The following GFRA1 variants were observed in gnomAD, a reference collection of about 807,000 sequenced individuals.
The protein encoded by GFRA1 is GDNF family receptor alpha 1.
Under a neutral mutation model 51.6 loss-of-function variants are expected in GFRA1, and 16 were observed. That is an observed-to-expected ratio of 0.31 (90% CI 0.21 to 0.47). GFRA1 has a LOEUF of 0.47. Among genes scored for constraint, GFRA1 ranks in the 20% least tolerant of loss-of-function variants. GFRA1 has a pLI of 1.00. For missense variants in GFRA1, 530 were observed against 594.3 expected (o/e 0.89, Z 1.13); for synonymous variants, 270 against 241.3 (o/e 1.12, Z -1.10).
chr10:116,249,638 T>G lies in GFRA1; in HGVS notation c.418+19865A>C, dbSNP rs576725414. ...CTGTACACCTCTGCCCTGCTTCAAC[T>G]AAGTGCTGGGCACCAAATAGCTATT... On this transcript the variant is annotated intron_variant, in intron 4 of 10. Transcript: ENST00000355422. 8.5e-4 allele frequency among the ~76,000 whole-genome samples: 129 copies of G among 152,316 alleles called. 1 individual carries two copies. Among genetic ancestry groups the G allele is most frequent in the African/African-American group, 2.9e-3 (121 of 41,582 alleles).
In GFRA1 at chr10:116,269,521, C is replaced by T. The variant is rs761960866; in HGVS notation, c.400G>A (p.Val134Met). The T allele has an allele frequency of 1.4e-5, 22 of 1,599,904 alleles. No homozygotes were observed. The highest frequency in any genetic ancestry group is 1.7e-4 in the Middle Eastern group (1 of 6,060). ...VNSRLSDIFRVVPFISDVFQQ... is the reference protein window; with the variant it reads ...VNSRLSDIFRMVPFISDVFQQ... ...TGCTTACCTGATATGAATGGGACCACCCGGAATATATCTGACAATCTGCTG... is the reference window on the plus strand; with the variant it reads ...TGCTTACCTGATATGAATGGGACCATCCGGAATATATCTGACAATCTGCTG... The change falls in exon 4 of 11, where the codon GTG becomes ATG. Residue 134 changes from valine (V) to methionine (M), a missense_variant. By Grantham distance (21) the Val-to-Met change is conservative (BLOSUM62 1). Transcript: ENST00000355422.
chr10:116,064,320 C>A lies in GFRA1; in HGVS notation c.*78G>T. 1 of 1,291,436 alleles carries A rather than the reference C, an allele frequency of 7.7e-7. No homozygotes were observed. Among genetic ancestry groups the A allele is most frequent in the Non-Finnish European group, 1.1e-6 (1 of 902,068 alleles). 80.0% of individuals were successfully genotyped at this position (1,291,436 alleles called of 1,614,324 possible). A position where few individuals can be genotyped will look rare whatever the true frequency, so the allele number is the denominator to read the frequency against. ...CAACTGAGCTCCTAAACTGGAATTTCAGCTATACAAGAGAACAGGAAACAG... is the reference window on the plus strand; with the variant it reads ...CAACTGAGCTCCTAAACTGGAATTTAAGCTATACAAGAGAACAGGAAACAG... On this transcript the variant is annotated 3_prime_UTR_variant, in exon 11 of 11. Transcript: ENST00000355422.
At chr10:116,176,404 C>A (rs905179866) in intron 5 of GFRA1, among the ~76,000 whole-genome samples, 1 of 152,068 alleles carries the variant, frequency 6.6e-6, no homozygotes, top group Non-Finnish European at 1.5e-5. Flanking sequence ...GTGTTTGGGT[C>A]AAGGGGACAG....
intron 3 of GFRA1, among the ~76,000 whole-genome samples, 200 bp from the exon 4 acceptor site, chr10:116,269,786 A>T (rs1843750812): frequency 6.6e-6 from 1 of 152,138 alleles, no homozygotes; most frequent in South Asian, 2.1e-4. Flanking sequence ...TTCTCCCCAG[A>T]GTGCCATGAA....
intron 9 of GFRA1, among the ~76,000 whole-genome samples, chr10:116,073,883 A>G (rs1197909633): frequency 1.3e-5 from 2 of 152,196 alleles, no homozygotes; most frequent in East Asian, 3.9e-4. Flanking sequence ...TGGAGACATA[A>G]CGGACCAGGG....
intron 4 of GFRA1, among the ~76,000 whole-genome samples, chr10:116,215,332 A>G (rs1965485728): frequency 6.6e-6 from 1 of 152,222 alleles, no homozygotes; most frequent in African/African-American, 2.4e-5. Flanking sequence ...GATATTAGCC[A>G]TTGAAATATT....
At chr10:116,154,563 A>G (rs1055369961) in intron 5 of GFRA1, among the ~76,000 whole-genome samples, 10 of 152,178 alleles carry the variant, frequency 6.6e-5, no homozygotes, top group African/African-American at 1.9e-4. Flanking sequence ...GGGGAAAGTG[A>G]CTAGAAGGAG....
chr10:116,227,267 G>A (rs1022054148), intron 4 of GFRA1, among the ~76,000 whole-genome samples: 6 of 152,164 alleles, frequency 3.9e-5, no homozygotes, highest in Non-Finnish European at 5.9e-5. Context: ...AAGTAGCTGG[G>A]CCAAGAACCC....
intron 4 of GFRA1, among the ~76,000 whole-genome samples, chr10:116,268,039 T>C (rs1019523989): frequency 1.3e-5 from 2 of 152,144 alleles, no homozygotes; most frequent in Non-Finnish European, 2.9e-5. Context: ...CATGTACATA[T>C]GAAGAACCCA....
At chr10:116,128,778 A>G (rs1323979777) in intron 5 of GFRA1, among the ~76,000 whole-genome samples, 1 of 150,940 alleles carries the variant, frequency 6.6e-6, no homozygotes, top group African/African-American at 2.4e-5. Flanking sequence ...CTTCTTTGTT[A>G]TAATAATACC....
intron 5 of GFRA1, among the ~76,000 whole-genome samples, chr10:116,209,935 T>C (rs1965061410): frequency 6.6e-6 from 1 of 152,224 alleles, no homozygotes; most frequent in Non-Finnish European, 1.5e-5. Context: ...TTCCTTCCAT[T>C]TGAAATCCGA....
At position 116,081,233 on chromosome 10, in the gene GFRA1, C is replaced by T. The variant is rs370986270; in HGVS notation, c.1197+8508G>A. On this transcript the variant is annotated intron_variant, in intron 9 of 10. Coordinates refer to ENST00000355422, the MANE Select transcript of GFRA1 (RefSeq NM_005264.8). ...TGTGACTGGCATCTGAAGCAAGGGC[C>T]GTCTTGTTGGGGACCACGGCCATAA... Among the ~76,000 whole-genome samples the T allele has an allele frequency of 3.3e-5, 5 of 152,268 alleles. No individual in the cohort carries two copies. The East Asian group carries it at 5.8e-4, about 18-fold the overall frequency.
At chr10:116,247,207 TG>T (rs951056518) in intron 4 of GFRA1, among the ~76,000 whole-genome samples, 40 of 152,142 alleles carry the variant, frequency 2.6e-4, no homozygotes, top group African/African-American at 9.6e-4. Flanking sequence ...AAGCCATCCC[TG>T]GTTTCTCTCC....
chr10:116,252,177 G>A (rs1241919816), intron 4 of GFRA1, among the ~76,000 whole-genome samples: 1 of 151,902 alleles, frequency 6.6e-6, no homozygotes, highest in Non-Finnish European at 1.5e-5. Context: ...ATTCAACGCA[G>A]GGTACTCACT....
intron 9 of GFRA1, among the ~76,000 whole-genome samples, chr10:116,074,776 A>G (rs1297642560): frequency 6.6e-6 from 1 of 152,246 alleles, no homozygotes; most frequent in Non-Finnish European, 1.5e-5. Flanking sequence ...TTACCCAATA[A>G]GAGAACCAGG....
chr10:116,247,658 A>T (rs1402750724), intron 4 of GFRA1, among the ~76,000 whole-genome samples: 1 of 152,112 alleles, frequency 6.6e-6, no homozygotes, highest in African/African-American at 2.4e-5. Flanking sequence ...TCTTTCTGAG[A>T]CTTCACAAGC....
intron 4 of GFRA1, among the ~76,000 whole-genome samples, chr10:116,250,409 G>GT (rs1205752200): frequency 6.6e-6 from 1 of 152,134 alleles, no homozygotes; most frequent in Admixed American, 6.5e-5. Context: ...CATCCATCAA[G>GT]TAAGGACTTG....
chr10:116,078,127 AC>A, intron 9 of GFRA1, among the ~76,000 whole-genome samples: 1 of 152,168 alleles, frequency 6.6e-6, no homozygotes, highest in South Asian at 2.1e-4. Flanking sequence ...AGTTAGTTAT[AC>A]CCTGCATGTG....
At chr10:116,140,806 T>C (rs974616620) in intron 5 of GFRA1, among the ~76,000 whole-genome samples, 1 of 152,224 alleles carries the variant, frequency 6.6e-6, no homozygotes, top group Non-Finnish European at 1.5e-5. Flanking sequence ...AAATTATAAA[T>C]GTGATTACAA....
Sources: allele counts gnomAD v4.1 joint callset (sites outside exome capture counted in the v4.1 genomes callset), GRCh38; gene constraint gnomAD v4.1.1; transcripts MANE v1.5; gene names NCBI Gene and HGNC (gene_info 2026-07-23, HGNC 2026-07-21).